Variants in CAMTA1 observed in about 807,000 individuals in gnomAD.
The protein encoded by CAMTA1 is calmodulin-binding transcription activator 1.
Under a neutral mutation model 170.9 loss-of-function variants are expected in CAMTA1, and 27 were observed. The observed-to-expected ratio is 0.16, with a 90% CI of 0.12 to 0.22. The LOEUF (loss-of-function observed/expected upper bound fraction) is 0.22, where lower values mean the gene tolerates loss of function less well. Ranked by LOEUF, CAMTA1 falls within the 10% of genes least tolerant of loss-of-function variation. The pLI is 1.00. For synonymous variants in CAMTA1, 833 were observed against 891.5 expected, an observed-to-expected ratio of 0.93 and a Z score of 1.17; for missense variants, 1,619 against 2,217.2, an observed-to-expected ratio of 0.73 and a Z score of 5.42.
At chr1:7,284,144 CT>C (rs1557437826) in intron 5 of CAMTA1, among the ~76,000 whole-genome samples, 6 of 101,142 alleles carry the variant, frequency 5.9e-5, no homozygotes, top group Non-Finnish European at 9.8e-5. Context: ...TCTTCTTCTT[CT>C]TCTTCTTCTT....
intron 6 of CAMTA1, among the ~76,000 whole-genome samples, chr1:7,486,688 G>A (rs1263360806): frequency 2.0e-5 from 3 of 152,176 alleles, no homozygotes; most frequent in East Asian, 1.9e-4. Flanking sequence ...TCCTGTGTCC[G>A]GGATGACCCA....
chr1:7,724,482 G>A (rs1047150209), intron 11 of CAMTA1, among the ~76,000 whole-genome samples: 24 of 152,136 alleles, frequency 1.6e-4, no homozygotes, highest in African/African-American at 5.6e-4. Context: ...AGATGGGGCT[G>A]GGCAGAAGGC....
At chr1:6,790,357 TGAGA>T (rs554353934) in intron 1 of CAMTA1, among the ~76,000 whole-genome samples, 104 of 145,206 alleles carry the variant, frequency 7.2e-4, no homozygotes, top group East Asian at 1.6e-3. Flanking sequence ...GTGCAGAGTG[TGAGA>T]GAGAGAGAGA....
intron 5 of CAMTA1, among the ~76,000 whole-genome samples, chr1:7,398,179 CTCTCTCTCTCTCTCTATATATATATATAT>C (rs1277201917): frequency 1.5e-3 from 64 of 43,762 alleles, no homozygotes; most frequent in African/African-American, 5.6e-3. Flanking sequence ...CTCTCTCTCT[CTCTCTCTCTCTCTCTATATATATATATAT>C]ATATATATAT....
chr1:6,882,831 G>T (rs1318603739), intron 3 of CAMTA1, among the ~76,000 whole-genome samples: 2 of 152,082 alleles, frequency 1.3e-5, no homozygotes, highest in Admixed American at 1.3e-4. Flanking sequence ...AATGTTAAGG[G>T]GAAGCGGGTA....
At chr1:7,321,897 C>A (rs902217710) in intron 5 of CAMTA1, among the ~76,000 whole-genome samples, 1 of 152,142 alleles carries the variant, frequency 6.6e-6, no homozygotes, top group South Asian at 2.1e-4. Context: ...TACACCACCA[C>A]GTAACCCTAG....
chr1:6,875,684 A>C (rs1055546788), intron 3 of CAMTA1, among the ~76,000 whole-genome samples: 2 of 152,122 alleles, frequency 1.3e-5, no homozygotes, highest in Non-Finnish European at 2.9e-5. Flanking sequence ...TCTGTCATAC[A>C]TGTGTCACTT....
chr1:7,022,270 C>T (rs1187206359), intron 3 of CAMTA1, among the ~76,000 whole-genome samples: 5 of 152,154 alleles, frequency 3.3e-5, no homozygotes, highest in Non-Finnish European at 7.3e-5. Context: ...AGCAGGGTAC[C>T]TTTGATGCTG....
At chr1:7,755,063 C>T (rs966060533) in intron 21 of CAMTA1, among the ~76,000 whole-genome samples, 3 of 152,048 alleles carry the variant, frequency 2.0e-5, no homozygotes, top group Non-Finnish European at 2.9e-5. Flanking sequence ...CGGTGGCTCA[C>T]GCCTGTAATC....
At chr1:7,303,388 C>G (rs1284239499) in intron 5 of CAMTA1, among the ~76,000 whole-genome samples, 1 of 152,104 alleles carries the variant, frequency 6.6e-6, no homozygotes, top group Non-Finnish European at 1.5e-5. Flanking sequence ...AAAAGTCCCC[C>G]CTAAATCCAA....
chr1:6,922,404 C>A (rs1253279861), intron 3 of CAMTA1, among the ~76,000 whole-genome samples: 3 of 75,182 alleles, frequency 4.0e-5, no homozygotes, highest in Admixed American at 1.7e-4. Context: ...GCCCAAGCAG[C>A]TTCACTTGGG....
chr1:7,769,326 A>C lies in CAMTA1; in HGVS notation c.*2835A>C, dbSNP rs1447112229. On this transcript the variant is annotated 3_prime_UTR_variant, in exon 23 of 23. Coordinates refer to ENST00000303635, the MANE Select transcript of CAMTA1 (RefSeq NM_015215.4). ...GGATTTCATTATAAAATTAATAGCTAATCTTATTCTATCTCCTGAAGATTT... is the reference window on the plus strand; with the variant it reads ...GGATTTCATTATAAAATTAATAGCTCATCTTATTCTATCTCCTGAAGATTT... 6.5e-6 allele frequency: 1 copy of C among 152,728 alleles called. No individual in the cohort carries two copies. Among genetic ancestry groups the C allele is most frequent in the African/African-American group, 2.4e-5 (1 of 41,422 alleles). The allele number at this position is 152,728 out of a possible 1,614,324, so 9.5% of individuals were successfully genotyped here. A position where few individuals can be genotyped will look rare whatever the true frequency, so the allele number is the denominator to read the frequency against.
chr1:7,029,133 A>G (rs1702430618), intron 3 of CAMTA1, among the ~76,000 whole-genome samples: 1 of 152,206 alleles, frequency 6.6e-6, no homozygotes, highest in Non-Finnish European at 1.5e-5. Context: ...TAGTTTGAGT[A>G]TGGTGCCTGA....
At chr1:6,975,029 T>C (rs1401084655) in intron 3 of CAMTA1, among the ~76,000 whole-genome samples, 1 of 152,210 alleles carries the variant, frequency 6.6e-6, no homozygotes, top group Non-Finnish European at 1.5e-5. Context: ...AAATTATCAA[T>C]AAATCACCCT....
intron 5 of CAMTA1, among the ~76,000 whole-genome samples, chr1:7,389,037 C>T (rs1053072053): frequency 6.6e-6 from 1 of 152,186 alleles, no homozygotes; most frequent in East Asian, 1.9e-4. Context: ...AGGCACTGCA[C>T]GGCGAGAGGG....
chr1:7,644,190 C>T (rs937702924), intron 7 of CAMTA1, among the ~76,000 whole-genome samples: 1 of 152,134 alleles, frequency 6.6e-6, no homozygotes, highest in African/African-American at 2.4e-5. Flanking sequence ...TGACCTTATG[C>T]CCTGGGAATC....
At chr1:7,147,455 T>TCATGCACACACATTCATATAC (rs1257612038) in intron 4 of CAMTA1, among the ~76,000 whole-genome samples, 6 of 147,454 alleles carry the variant, frequency 4.1e-5, no homozygotes, top group African/African-American at 1.3e-4. Context: ...CAAATATACA[T>TCATGCACACACATTCATATAC]CATGCACACA....
At chr1:7,557,553 A>T (rs953984475) in intron 6 of CAMTA1, among the ~76,000 whole-genome samples, 1 of 152,232 alleles carries the variant, frequency 6.6e-6, no homozygotes, top group Non-Finnish European at 1.5e-5. Context: ...CAAATGAAAA[A>T]CATAATTTTC....
intron 3 of CAMTA1, among the ~76,000 whole-genome samples, chr1:6,974,562 T>G (rs902796382): frequency 3.9e-5 from 6 of 152,110 alleles, no homozygotes; most frequent in African/African-American, 1.4e-4. Context: ...AGATGGAAGG[T>G]CCAGGCTTAT....
Sources: gnomAD v4.1 joint callset for allele counts (sites outside exome capture counted in the v4.1 genomes callset) on GRCh38, gnomAD v4.1.1 for gene constraint, MANE v1.5 for transcripts, NCBI Gene and HGNC (gene_info 2026-07-23, HGNC 2026-07-21) for gene names.